The following SHTN1 variants were observed in gnomAD, a reference collection of about 807,000 sequenced individuals.
The protein encoded by SHTN1 is shootin 1.
In SHTN1, 42 loss-of-function variants were observed where a neutral mutation model predicts 83.1. That is an observed-to-expected ratio of 0.51 (90% CI 0.39 to 0.65). SHTN1 has a LOEUF of 0.65. SHTN1 is among the 30% of genes least tolerant of loss of function. SHTN1 has a pLI of 0.00. For missense variants in SHTN1, 622 were observed against 737.8 expected (o/e 0.84, Z 1.82); for synonymous variants, 224 against 247.7 (o/e 0.90, Z 0.90).
At chr10:117,025,080 C>A (rs1044315815) in intron 2 of SHTN1, among the ~76,000 whole-genome samples, 3 of 152,122 alleles carry the variant, frequency 2.0e-5, no homozygotes, top group Non-Finnish European at 4.4e-5. Flanking sequence ...ACTATCTACA[C>A]ACAAAAACAC....
chr10:116,897,286 C>G (rs1847556987), intron 16 of SHTN1, among the ~76,000 whole-genome samples: 1 of 152,130 alleles, frequency 6.6e-6, no homozygotes, highest in Non-Finnish European at 1.5e-5. Flanking sequence ...TTTTACATTT[C>G]TGGGTTTGTG....
At chr10:116,991,089 G>A (rs1392062230) in intron 1 of SHTN1, among the ~76,000 whole-genome samples, 1 of 152,140 alleles carries the variant, frequency 6.6e-6, no homozygotes, top group East Asian at 1.9e-4. Flanking sequence ...TGGAGGCTGA[G>A]GCAGGAGAAT....
intron 1 of SHTN1, among the ~76,000 whole-genome samples, chr10:117,100,583 T>G (rs1853575687): frequency 1.3e-5 from 2 of 152,326 alleles, no homozygotes; most frequent in South Asian, 4.1e-4. Flanking sequence ...ATACCCAGCC[T>G]GCATGTAATA....
intron 2 of SHTN1, among the ~76,000 whole-genome samples, chr10:117,013,730 A>G (rs1047503601): frequency 5.3e-5 from 8 of 152,208 alleles, no homozygotes; most frequent in African/African-American, 1.9e-4. Flanking sequence ...TTAGAAATAC[A>G]TTTGCCATAC....
chr10:116,966,155 C>T (rs909367014), intron 3 of SHTN1, among the ~76,000 whole-genome samples: 2 of 152,068 alleles, frequency 1.3e-5, no homozygotes, highest in Non-Finnish European at 2.9e-5. Context: ...CTACAGGTGC[C>T]CGCCACCACG....
At chr10:116,940,981 A>G (rs893945281) in intron 8 of SHTN1, among the ~76,000 whole-genome samples, 2 of 152,220 alleles carry the variant, frequency 1.3e-5, no homozygotes, top group Non-Finnish European at 2.9e-5. Flanking sequence ...CAATCCTATT[A>G]AAGTGCTTCT....
intron 2 of SHTN1, among the ~76,000 whole-genome samples, chr10:117,039,850 C>CAAAAAAAAAAA (rs71013633): frequency 1.5e-5 from 2 of 129,700 alleles, no homozygotes; most frequent in African/African-American, 6.3e-5. Flanking sequence ...GAGACTCCAT[C>CAAAAAAAAAAA]AAAAAAAAAA....
At chr10:116,946,579 TG>T (rs1286134817) in intron 7 of SHTN1, among the ~76,000 whole-genome samples, 3,388 of 122,532 alleles carry the variant, frequency 0.028, 224 homozygotes, top group Admixed American at 0.078. Context: ...ATATATAAAA[TG>T]ATTTATATAT....
At position 116,944,947 on chromosome 10, in the gene SHTN1, T is replaced by C; in HGVS notation, c.688A>G (p.Lys230Glu). 1 of 1,610,544 alleles carries C rather than the reference T, an allele frequency of 6.2e-7. No homozygotes were observed. The highest frequency in any genetic ancestry group is 8.5e-7 in the Non-Finnish European group (1 of 1,176,832). The part of the protein sequence containing the change: ...NLELEKDLRK[K>E]AESFAQEMFI... Reference sequence around the variant, plus strand: ...ACCTCTTGTGCAAATGACTCTGCTTTCTTTCGAAGGTCCTTCTCCAGCTCC... The same window carrying C: ...ACCTCTTGTGCAAATGACTCTGCTTCCTTTCGAAGGTCCTTCTCCAGCTCC... The change falls in exon 8 of 17, where the codon AAA becomes GAA. Residue 230 changes from lysine to glutamate, a missense_variant. This residue lies in a region of SHTN1 where 383 missense variants were observed against 455.8 expected (regional missense o/e 0.84). Coordinates refer to ENST00000355371, the MANE Select transcript of SHTN1 (RefSeq NM_001127211.3).
At chr10:117,035,117 GC>G (rs887581987) in intron 2 of SHTN1, among the ~76,000 whole-genome samples, 1 of 152,022 alleles carries the variant, frequency 6.6e-6, no homozygotes, top group African/African-American at 2.4e-5. Flanking sequence ...CATGGTCCTG[GC>G]AAAACAACAA....
chr10:117,073,323 T>C (rs963938201), intron 1 of SHTN1, among the ~76,000 whole-genome samples: 1 of 152,342 alleles, frequency 6.6e-6, no homozygotes, highest in Non-Finnish European at 1.5e-5. Flanking sequence ...CATTTATTAA[T>C]TGCTTACTAG....
rs1480475426 is a variant in SHTN1 at position 116,946,627 on chromosome 10, TG to T, written c.617-1610del. Among the ~76,000 whole-genome samples, 276 of 98,122 alleles carry T rather than the reference TG, an allele frequency of 2.8e-3. 28 individuals carry two copies. The highest frequency in any genetic ancestry group is 4.0e-3 in the South Asian group (12 of 3,004). The allele number at this position is 98,122 out of a possible 152,430, so 64.4% of individuals were successfully genotyped here. A position where few individuals can be genotyped will look rare whatever the true frequency, so the allele number is the denominator to read the frequency against. On this transcript the variant is annotated intron_variant, in intron 7 of 16. Coordinates refer to ENST00000355371, the MANE Select transcript of SHTN1 (RefSeq NM_001127211.3). ...ATGATTTATATATAAATATATAAAA[TG>T]ATTTATATATAAATATATAAAATGA...
chr10:117,028,693 G>GC (rs1852364450), intron 2 of SHTN1, among the ~76,000 whole-genome samples: 1 of 152,192 alleles, frequency 6.6e-6, no homozygotes, highest in Non-Finnish European at 1.5e-5. Context: ...GGTGGAAGCT[G>GC]CAAGCCTTGG....
intron 2 of SHTN1, among the ~76,000 whole-genome samples, chr10:117,011,957 G>T (rs1852112453): frequency 6.6e-6 from 1 of 151,922 alleles, no homozygotes; most frequent in African/African-American, 2.4e-5. Context: ...TGGCTAACAC[G>T]GTGAAACCCT....
chr10:116,965,891 C>A (rs1055523054), intron 3 of SHTN1, among the ~76,000 whole-genome samples: 5 of 152,198 alleles, frequency 3.3e-5, no homozygotes, highest in Admixed American at 3.3e-4. Flanking sequence ...GATAAAAATA[C>A]TGCCTATTCC....
At chr10:116,910,181 C>T (rs1041913529) in intron 14 of SHTN1, among the ~76,000 whole-genome samples, 4 of 152,108 alleles carry the variant, frequency 2.6e-5, no homozygotes, top group African/African-American at 9.7e-5. Flanking sequence ...CTCAAAGAAA[C>T]TTCTATGGGG....
intron 1 of SHTN1, among the ~76,000 whole-genome samples, chr10:117,088,799 C>T (rs968563778): frequency 6.6e-6 from 1 of 152,166 alleles, no homozygotes; most frequent in African/African-American, 2.4e-5. Flanking sequence ...ACTAACTTGC[C>T]TTAGGTCTGC....
intron 8 of SHTN1, among the ~76,000 whole-genome samples, chr10:116,940,949 T>C (rs537922882): frequency 1.3e-5 from 2 of 152,216 alleles, no homozygotes; most frequent in Non-Finnish European, 2.9e-5. Context: ...ATATTTTATA[T>C]GGATTATTTT....
intron 2 of SHTN1, among the ~76,000 whole-genome samples, chr10:116,978,389 A>G (rs1401424718): frequency 4.6e-5 from 7 of 152,076 alleles, no homozygotes; most frequent in Non-Finnish European, 1.0e-4. Flanking sequence ...AATATCTACA[A>G]AGGACCTGTT....
Sources: gnomAD v4.1 joint callset for allele counts (sites outside exome capture counted in the v4.1 genomes callset) on GRCh38, gnomAD v4.1.1 for gene constraint, gnomAD v4.1.1 regional missense constraint, MANE v1.5 for transcripts, NCBI Gene and HGNC (gene_info 2026-07-23, HGNC 2026-07-21) for gene names.